Variants in MUC4 observed in about 807,000 individuals in gnomAD.
The protein encoded by MUC4 is mucin-4.
In MUC4, 202 loss-of-function variants were observed where a neutral mutation model predicts 257.9. The observed-to-expected ratio is 0.78, with a 90% CI of 0.70 to 0.88. The LOEUF (loss-of-function observed/expected upper bound fraction) is 0.88. MUC4 is among the 40% of genes least tolerant of loss of function. The probability of loss-of-function intolerance (pLI) is 0.00; values close to 1 mark genes in which losing one functional copy is unlikely to be tolerated. For missense variants in MUC4, 5,976 were observed against 6,513.7 expected, an observed-to-expected ratio of 0.92 and a Z score of 2.84; for synonymous variants, 2,351 against 2,757.1, an observed-to-expected ratio of 0.85 and a Z score of 4.62.
chr3:195,774,672 C>T (rs1000348467), intron 3 of MUC4, among the ~76,000 whole-genome samples: 3 of 152,026 alleles, frequency 2.0e-5, no homozygotes, highest in Non-Finnish European at 2.9e-5. Flanking sequence ...GAGGCTGAGG[C>T]GGGAGGATCA....
intron 1 of MUC4, among the ~76,000 whole-genome samples, chr3:195,805,672 T>A (rs1735895420): frequency 6.6e-6 from 1 of 152,124 alleles, no homozygotes; most frequent in Admixed American, 6.5e-5. Context: ...AATTTTTGTA[T>A]TTTTAGTAGA....
intron 19 of MUC4, 37 bp from the exon 20 acceptor site, chr3:195,753,267 G>A: frequency 1.3e-6 from 2 of 1,597,758 alleles, no homozygotes; most frequent in Non-Finnish European, 1.7e-6. Flanking sequence ...GCAGCGCGCA[G>A]GGCAGCAGAG....
intron 16 of MUC4, among the ~76,000 whole-genome samples, chr3:195,760,553 G>A (rs56017848): frequency 0.31 from 10,072 of 32,928 alleles, 1,702 homozygotes; most frequent in African/African-American, 0.49. Context: ...GGGGTCCAGC[G>A]CTAGGATGGA....
Position 195,762,072 on chromosome 3 carries a change from C to G in MUC4, c.14512+15G>C, listed in dbSNP as rs1452399727. 1.3e-6 allele frequency: 2 copies of G among 1,574,066 alleles called. No individual in the cohort carries two copies. The highest frequency in any genetic ancestry group is 1.7e-6 in the Non-Finnish European group (2 of 1,165,706). On this transcript the variant is annotated intron_variant, in intron 14 of 24. Transcript: ENST00000463781. Reference sequence around the variant, plus strand: ...GCTCCGCGGAGCCTCAGAGGCAGGTCCGAGCCGCCCTCACCCAGGAGCCCC... The same window carrying G: ...GCTCCGCGGAGCCTCAGAGGCAGGTGCGAGCCGCCCTCACCCAGGAGCCCC...
intron 2 of MUC4, 134 bp downstream of exon 2, chr3:195,778,656 C>T: frequency 7.9e-7 from 1 of 1,269,778 alleles, no homozygotes; most frequent in Non-Finnish European, 1.1e-6. Context: ...CCACACCCAT[C>T]ACCTCCTCCC....
rs1371268233 is a variant in MUC4 at position 195,778,811 on chromosome 3, G to C, written c.12769C>G (p.Pro4257Ala). ...CTACCTGGTGTTTCCATCTTCAGAG[G>C]GGAGTCCGAGGATACTGTGGAAGCT... The part of the protein sequence containing the change: ...TSASTVSSDS[P>A]LKMETPGMTT... The change falls in exon 2 of 25, where the codon CCT (proline) becomes GCT (alanine). Residue 4257 changes from proline (P) to alanine (A), a missense_variant. By Grantham distance (27) the Pro-to-Ala change is conservative (BLOSUM62 -1). Coordinates refer to ENST00000463781, the MANE Select transcript of MUC4 (RefSeq NM_018406.7). 1.2e-6 allele frequency: 2 copies of C among 1,611,710 alleles called. No individual in the cohort carries two copies. The highest frequency in any genetic ancestry group is 2.2e-5 in the East Asian group (1 of 44,890).
At chr3:195,765,646 G>A (rs985005862) in intron 8 of MUC4, among the ~76,000 whole-genome samples, 197 bp from the exon 9 acceptor site, 2 of 152,216 alleles carry the variant, frequency 1.3e-5, no homozygotes, top group South Asian at 2.1e-4. Flanking sequence ...ACGACCAAAC[G>A]TGGTTGCCAC....
At chr3:195,763,676 C>G (rs1023028878) in intron 11 of MUC4, 35 bp from the exon 12 acceptor site, 1 of 1,461,086 alleles carries the variant, frequency 6.8e-7, no homozygotes. Context: ...CTCAGCATGA[C>G]AAATCATGTG....
intron 18 of MUC4, among the ~76,000 whole-genome samples, chr3:195,754,820 G>GTGTA (rs1717233055): frequency 1.1e-4 from 2 of 18,096 alleles, no homozygotes; most frequent in Admixed American, 5.2e-4. Flanking sequence ...GTATCCATGT[G>GTGTA]TGTATCCATG....
chr3:195,760,743 A>C, intron 16 of MUC4, 141 bp downstream of exon 16: 2 of 707,168 alleles, frequency 2.8e-6, no homozygotes, highest in Non-Finnish European at 4.8e-6. Flanking sequence ...AAGTCTCTGA[A>C]GGGTTTGAGC....
At position 195,761,105 on chromosome 3, in the gene MUC4, C is replaced by A; in HGVS notation, c.14627G>T (p.Gly4876Val). The A allele has an allele frequency of 1.2e-6, 2 of 1,614,124 alleles. No homozygotes were observed. Residue 4876 changes from glycine to valine, a missense_variant, in exon 16 of 25, where the codon GGG becomes GTG. Gly to Val is a moderately radical substitution (Grantham distance 109). Around this residue, in one of 44 missense-constraint regions of MUC4, gnomAD observed 996 missense variants for 1,137.3 expected, o/e 0.88. Coordinates refer to ENST00000463781, the MANE Select transcript of MUC4 (RefSeq NM_018406.7). ...ATTCCTCTTGCCAAGGAGGCCTGTC[C>A]CGTTGATCTGCCCTGTAACACACAG... ...FHFGMTWQINGTGLLGKRNDQ... is the reference protein window; with the variant it reads ...FHFGMTWQINVTGLLGKRNDQ...
intron 8 of MUC4, 21 bp from the exon 9 acceptor site, chr3:195,765,470 G>T (rs777971586): frequency 2.5e-6 from 4 of 1,604,928 alleles, no homozygotes; most frequent in East Asian, 2.2e-5. Context: ...GGATGGGGGG[G>T]AAAGGGCTTA....
intron 17 of MUC4, among the ~76,000 whole-genome samples, chr3:195,758,568 C>T (rs2641719): frequency 0.66 from 88,449 of 134,740 alleles, 28,647 homozygotes; most frequent in East Asian, 0.79. Context: ...AAATGATCTT[C>T]AAATCTTTTT....
At chr3:195,752,468 G>A in intron 20 of MUC4, 22 bp from the exon 21 acceptor site, 2 of 1,601,182 alleles carry the variant, frequency 1.2e-6, no homozygotes, top group South Asian at 1.1e-5. Flanking sequence ...AGAAGCAAAT[G>A]TATCATCACC....
At chr3:195,767,746 C>CACCACCATCATT (rs1560264483) in intron 7 of MUC4, among the ~76,000 whole-genome samples, 21 of 41,872 alleles carry the variant, frequency 5.0e-4, no homozygotes, top group East Asian at 2.4e-3. Context: ...CCATCACCAT[C>CACCACCATCATT]GCCACCACCA....
intron 4 of MUC4, among the ~76,000 whole-genome samples, chr3:195,773,527 G>A (rs1229643798): frequency 3.9e-5 from 5 of 128,782 alleles, no homozygotes; most frequent in South Asian, 2.3e-4. Flanking sequence ...TCTCTCCATC[G>A]CTCAGCAGGT....
chr3:195,748,990 TC>T lies in MUC4; in HGVS notation c.15945del (p.Ser5316AlafsTer47). 2 of 1,610,038 alleles carry T rather than the reference TC, an allele frequency of 1.2e-6. No homozygotes were observed. Among genetic ancestry groups the T allele is most frequent in the Non-Finnish European group, 1.7e-6 (2 of 1,178,050 alleles). On this transcript the variant is annotated frameshift_variant, in exon 24 of 25. Transcript: ENST00000463781. LOFTEE classifies it high-confidence loss of function. ...YKGYDLVYSP[Q>X]SGFTCVSPCS... ...CACGGGGACACGCAGGTGAAGCCGC[TC>T]TGGGGGCTGTAGACCAGGTCGTAGC...
chr3:195,762,617 CCCGGCCCTG>C (rs1373946321), intron 13 of MUC4, among the ~76,000 whole-genome samples: 14 of 147,052 alleles, frequency 9.5e-5, no homozygotes, highest in South Asian at 2.1e-4. Context: ...CCGCCACGCA[CCCGGCCCTG>C]CACCGCCACG....
rs59408218 is a variant in MUC4 at position 195,788,679 on chromosome 3, G to C, written c.2901C>G (p.Thr967=). The change falls in exon 2 of 25, where the codon ACC becomes ACG. Residue 967 remains threonine (T), a synonymous_variant. Coordinates refer to ENST00000463781, the MANE Select transcript of MUC4 (RefSeq NM_018406.7). ...LSPSGSGKTF[T]TALISNATPL... ...GGGTGGCGTTGCTGATGAGGGCCGT[G>C]GTGAAGGTTTTACCAGACCCTGAAG... 0.047 allele frequency: 75,332 copies of C among 1,603,940 alleles called. 6,344 individuals are homozygous for C. Among genetic ancestry groups the C allele is most frequent in the African/African-American group, 0.38 (27,633 of 71,906 alleles).
Sources: gnomAD v4.1 joint callset for allele counts (sites outside exome capture counted in the v4.1 genomes callset) on GRCh38, gnomAD v4.1.1 for gene constraint, gnomAD v4.1.1 regional missense constraint, MANE v1.5 for transcripts, NCBI Gene and HGNC (gene_info 2026-07-23, HGNC 2026-07-21) for gene names.